The following ATP8A1 variants were observed in gnomAD, a reference collection of about 807,000 sequenced individuals.
ATP8A1 encodes phospholipid-transporting ATPase IA.
In ATP8A1, 90 loss-of-function variants were observed where a neutral mutation model predicts 177.7. The ratio of observed to expected loss-of-function variants is 0.51; its 90% CI spans 0.43 to 0.60. ATP8A1 has a LOEUF of 0.60. Ranked by LOEUF, ATP8A1 falls within the 20% of genes least tolerant of loss-of-function variation. The pLI, the probability that ATP8A1 is intolerant of heterozygous loss-of-function variation, is 0.00. For synonymous variants in ATP8A1, 493 were observed against 485.9 expected (o/e 1.01, Z -0.19); for missense variants, 1,072 against 1,392.8 (o/e 0.77, Z 3.67).
chr4:42,523,594 G>C (rs1191487568), intron 21 of ATP8A1, among the ~76,000 whole-genome samples: 1 of 152,138 alleles, frequency 6.6e-6, no homozygotes, highest in African/African-American at 2.4e-5. Context: ...GTCATGGGGA[G>C]AAGTGTCATC....
At chr4:42,623,009 C>CA (rs200111147) in intron 4 of ATP8A1, among the ~76,000 whole-genome samples, 39,276 of 116,030 alleles carry the variant, frequency 0.34, 6,143 homozygotes, top group East Asian at 0.53. Flanking sequence ...AACTCTGTCT[C>CA]AAAAAAAAAA....
chr4:42,630,211 G>C (rs1238143817), intron 1 of ATP8A1, among the ~76,000 whole-genome samples: 1 of 152,170 alleles, frequency 6.6e-6, no homozygotes, highest in Non-Finnish European at 1.5e-5. Context: ...AATCAAAATA[G>C]GAGAATCCTT....
At chr4:42,587,900 G>A (rs112798393) in intron 8 of ATP8A1, among the ~76,000 whole-genome samples, 24 of 152,074 alleles carry the variant, frequency 1.6e-4, no homozygotes, top group African/African-American at 5.1e-4. Flanking sequence ...GAGCCACCGC[G>A]CCCGGCCCTT....
In ATP8A1 at chr4:42,492,755, A is replaced by G. The variant is rs989284837; in HGVS notation, c.2152-7087T>C. 2.0e-5 allele frequency among the ~76,000 whole-genome samples: 3 copies of G among 152,218 alleles called. No individual in the cohort carries two copies. The East Asian group carries it at 5.8e-4, about 29-fold the overall frequency. ...TGTTATTTTTCTTCATGAGTTCACC[A>G]CCAGTTAAACAAATAAGCATATGAT... On this transcript the variant is annotated intron_variant, in intron 24 of 36. Coordinates refer to ENST00000381668, the MANE Select transcript of ATP8A1 (RefSeq NM_006095.2).
At chr4:42,531,673 ACT>A (rs1231541584) in intron 20 of ATP8A1, among the ~76,000 whole-genome samples, 1 of 152,094 alleles carries the variant, frequency 6.6e-6, no homozygotes, top group Non-Finnish European at 1.5e-5. Context: ...AAAACTGAAG[ACT>A]CTAACAAAAA....
chr4:42,429,959 G>T lies in ATP8A1; in HGVS notation c.3124-6254C>A, dbSNP rs138334315. Among the ~76,000 whole-genome samples, 1,181 of 152,280 alleles carry T rather than the reference G, an allele frequency of 7.8e-3. 47 individuals carry two copies. Among genetic ancestry groups the T allele is most frequent in the Admixed American group, 0.068 (1,043 of 15,292 alleles). On this transcript the variant is annotated intron_variant, in intron 33 of 36. Coordinates refer to ENST00000381668, the MANE Select transcript of ATP8A1 (RefSeq NM_006095.2). ...CAGCAAGCCCAATGGTGACTGCTAG[G>T]GGTTAGGGGAAAAGGAGAATGGGGA...
chr4:42,463,712 A>C (rs1053132080), intron 27 of ATP8A1, among the ~76,000 whole-genome samples: 2 of 152,234 alleles, frequency 1.3e-5, no homozygotes, highest in African/African-American at 4.8e-5. Context: ...TTTTAAAATG[A>C]TGTTATGTTT....
chr4:42,447,693 GAAT>G (rs1717436742), intron 30 of ATP8A1, among the ~76,000 whole-genome samples: 1 of 152,162 alleles, frequency 6.6e-6, no homozygotes, highest in Non-Finnish European at 1.5e-5. Context: ...AACTGTATTA[GAAT>G]AAAGTATGGG....
chr4:42,536,140 T>G (rs1171250071), intron 20 of ATP8A1, among the ~76,000 whole-genome samples: 1 of 152,020 alleles, frequency 6.6e-6, no homozygotes, highest in African/African-American at 2.4e-5. Context: ...AAACAACAAC[T>G]ATAAAATATA....
At chr4:42,434,135 A>C (rs2153171615) in intron 33 of ATP8A1, among the ~76,000 whole-genome samples, 1 of 152,264 alleles carries the variant, frequency 6.6e-6, no homozygotes, top group East Asian at 1.9e-4. Flanking sequence ...TTATTGTCCT[A>C]TTTAAAAACT....
intron 15 of ATP8A1, among the ~76,000 whole-genome samples, chr4:42,566,526 A>G (rs1731365287): frequency 6.6e-6 from 1 of 152,214 alleles, no homozygotes; most frequent in African/African-American, 2.4e-5. Context: ...AAGTTGTGCA[A>G]AGTTGTATGC....
chr4:42,637,534 A>G (rs1354939412), intron 1 of ATP8A1, among the ~76,000 whole-genome samples: 5 of 152,190 alleles, frequency 3.3e-5, no homozygotes, highest in Admixed American at 3.3e-4. Flanking sequence ...TCATTATACA[A>G]AAGGGTTCAC....
intron 25 of ATP8A1, among the ~76,000 whole-genome samples, chr4:42,466,210 CAACTT>C (rs1719749456): frequency 6.6e-6 from 1 of 152,170 alleles, no homozygotes; most frequent in Non-Finnish European, 1.5e-5. Flanking sequence ...TAGTAAGAAA[CAACTT>C]ATGTACACAA....
intron 25 of ATP8A1, among the ~76,000 whole-genome samples, chr4:42,474,069 G>A (rs1720787256): frequency 6.6e-6 from 1 of 152,116 alleles, no homozygotes; most frequent in Non-Finnish European, 1.5e-5. Context: ...ACTACCTAGT[G>A]GAAGGTGGAA....
chr4:42,636,471 T>C (rs1739408279), intron 1 of ATP8A1, among the ~76,000 whole-genome samples: 1 of 151,972 alleles, frequency 6.6e-6, no homozygotes, highest in South Asian at 2.1e-4. Flanking sequence ...AACTGGGTGC[T>C]TCAAAGGTAA....
chr4:42,446,697 C>G, intron 30 of ATP8A1, 53 bp from the exon 31 acceptor site: 1 of 1,495,726 alleles, frequency 6.7e-7, no homozygotes, highest in Non-Finnish European at 9.2e-7. Context: ...CTTTCAGAAT[C>G]TTTTCAAAGA....
At chr4:42,482,738 C>G (rs957409088) in intron 25 of ATP8A1, among the ~76,000 whole-genome samples, 1 of 152,150 alleles carries the variant, frequency 6.6e-6, no homozygotes, top group Non-Finnish European at 1.5e-5. Flanking sequence ...ATGGAACTAA[C>G]ATGGAGACTC....
chr4:42,571,373 A>G (rs980075273), intron 14 of ATP8A1, among the ~76,000 whole-genome samples: 1 of 151,980 alleles, frequency 6.6e-6, no homozygotes, highest in Non-Finnish European at 1.5e-5. Context: ...TGCCTTGTCC[A>G]CACAAAAAAG....
chr4:42,474,324 C>A (rs1720817257), intron 25 of ATP8A1, among the ~76,000 whole-genome samples: 1 of 152,132 alleles, frequency 6.6e-6, no homozygotes, highest in Non-Finnish European at 1.5e-5. Flanking sequence ...TTGTTCCCTG[C>A]CCATGGCACC....
Sources: gnomAD v4.1 joint callset for allele counts (sites outside exome capture counted in the v4.1 genomes callset) on GRCh38, gnomAD v4.1.1 for gene constraint, MANE v1.5 for transcripts, NCBI Gene and HGNC (gene_info 2026-07-23, HGNC 2026-07-21) for gene names.